Variants in PCDH15 observed in about 807,000 individuals in gnomAD.
PCDH15 encodes the protein protocadherin-15.
PCDH15 carries 129 observed loss-of-function variants against 178.5 expected under a neutral mutation model. The ratio of observed to expected loss-of-function variants is 0.72; its 90% CI spans 0.63 to 0.84. The LOEUF is 0.84. Among genes scored for constraint, PCDH15 ranks in the 40% least tolerant of loss-of-function variants. PCDH15 has a pLI of 0.00. For missense variants in PCDH15, 2,230 were observed against 2,099.9 expected (o/e 1.06, Z -1.21); for synonymous variants, 800 against 732.0 (o/e 1.09, Z -1.50).
intron 2 of PCDH15, among the ~76,000 whole-genome samples, chr10:55,471,244 T>C (rs1406245726): frequency 6.6e-6 from 1 of 152,182 alleles, no homozygotes; most frequent in Non-Finnish European, 1.5e-5. Flanking sequence ...ATATACAAAG[T>C]TTAATTTTAC....
At chr10:54,448,023 A>G (rs1001752995) in intron 3 of PCDH15, among the ~76,000 whole-genome samples, 2 of 151,664 alleles carry the variant, frequency 1.3e-5, no homozygotes, top group African/African-American at 4.8e-5. Context: ...TCTTCTTAAG[A>G]AAAGATTTTA....
intron 2 of PCDH15, among the ~76,000 whole-genome samples, chr10:55,080,065 A>T (rs1026029312): frequency 2.0e-5 from 3 of 152,094 alleles, no homozygotes; most frequent in African/African-American, 7.2e-5. Flanking sequence ...GGTTGTCTTC[A>T]GCAGTCCCAT....
At chr10:54,571,869 A>G (rs2089893256) in intron 2 of PCDH15, among the ~76,000 whole-genome samples, 1 of 152,180 alleles carries the variant, frequency 6.6e-6, no homozygotes, top group East Asian at 1.9e-4. Context: ...AAAATTGTGA[A>G]AATTTCTAGA....
chr10:54,656,429 C>A (rs773823857), intron 2 of PCDH15, among the ~76,000 whole-genome samples: 1 of 152,142 alleles, frequency 6.6e-6, no homozygotes, highest in African/African-American at 2.4e-5. Context: ...CCTCACAATC[C>A]TGGGCAATGA....
intron 14 of PCDH15, among the ~76,000 whole-genome samples, chr10:54,134,473 G>T (rs1179074573): frequency 6.6e-6 from 1 of 152,052 alleles, no homozygotes; most frequent in Non-Finnish European, 1.5e-5. Flanking sequence ...AGAAATTCAG[G>T]CTGGGCACGG....
chr10:54,376,304 T>C (rs934210970), intron 4 of PCDH15, among the ~76,000 whole-genome samples: 1 of 151,686 alleles, frequency 6.6e-6, no homozygotes, highest in African/African-American at 2.4e-5. Flanking sequence ...TAAAAGAAAC[T>C]ACAAATATTT....
intron 2 of PCDH15, among the ~76,000 whole-genome samples, chr10:55,150,030 G>C (rs573623463): frequency 6.2e-5 from 9 of 145,576 alleles, no homozygotes; most frequent in African/African-American, 2.0e-4. Context: ...GAGAGAGAGA[G>C]ATAAAGAAGA....
intron 2 of PCDH15, among the ~76,000 whole-genome samples, chr10:55,454,236 A>G (rs931224230): frequency 6.6e-6 from 1 of 152,138 alleles, no homozygotes; most frequent in African/African-American, 2.4e-5. Context: ...TTCAGAATAC[A>G]TGCAAAGTAA....
chr10:55,043,851 TG>T (rs1343207122), intron 2 of PCDH15, among the ~76,000 whole-genome samples: 2 of 152,130 alleles, frequency 1.3e-5, no homozygotes, highest in East Asian at 3.8e-4. Flanking sequence ...CCAGTTGCTC[TG>T]GCAATGTGAA....
At chr10:54,512,244 A>G (rs1478436334) in intron 3 of PCDH15, among the ~76,000 whole-genome samples, 1 of 152,232 alleles carries the variant, frequency 6.6e-6, no homozygotes, top group East Asian at 1.9e-4. Context: ...ATTTAAAAGT[A>G]CAGAGTATTC....
At chr10:54,841,410 G>T (rs935818555) in intron 3 of PCDH15, among the ~76,000 whole-genome samples, 1 of 151,708 alleles carries the variant, frequency 6.6e-6, no homozygotes, top group Non-Finnish European at 1.5e-5. Flanking sequence ...AGCAAAAGCT[G>T]TCCTAAGAAG....
chr10:54,759,470 C>A (rs774972661), intron 1 of PCDH15, among the ~76,000 whole-genome samples: 8 of 152,130 alleles, frequency 5.3e-5, no homozygotes, highest in Non-Finnish European at 1.2e-4. Flanking sequence ...CATTTCAATA[C>A]TTCCTTTTGA....
chr10:54,238,309 G>A (rs1026019279), intron 8 of PCDH15, among the ~76,000 whole-genome samples: 2 of 151,838 alleles, frequency 1.3e-5, no homozygotes, highest in African/African-American at 4.8e-5. Context: ...TATAGTGATG[G>A]CATGCTAAAA....
intron 35 of PCDH15, among the ~76,000 whole-genome samples, chr10:53,814,043 A>G (rs915821813): frequency 3.9e-5 from 6 of 152,196 alleles, no homozygotes; most frequent in African/African-American, 1.4e-4. Context: ...AAACTGAGAC[A>G]AAAAGTCTAG....
At chr10:54,791,344 G>A (rs1951390979) in intron 1 of PCDH15, among the ~76,000 whole-genome samples, 1 of 151,910 alleles carries the variant, frequency 6.6e-6, no homozygotes, top group African/African-American at 2.4e-5. Flanking sequence ...GCAGTAGAGA[G>A]AGTGGAATTG....
intron 25 of PCDH15, among the ~76,000 whole-genome samples, chr10:53,914,167 G>A (rs936207130): frequency 1.3e-5 from 2 of 152,162 alleles, no homozygotes; most frequent in Non-Finnish European, 2.9e-5. Flanking sequence ...CTGTTGGTGG[G>A]AGTTTAAACT....
intron 1 of PCDH15, among the ~76,000 whole-genome samples, chr10:55,316,352 G>A (rs907573208): frequency 6.6e-6 from 1 of 152,074 alleles, no homozygotes. Flanking sequence ...GAATTACATA[G>A]ACATGATTTT....
rs71014423 is a variant in PCDH15 at position 54,853,289 on chromosome 10, GTATA to G, written c.-29+44157_-29+44160del. 1.6e-3 allele frequency among the ~76,000 whole-genome samples: 162 copies of G among 102,542 alleles called. 1 individual carries two copies. The highest frequency in any genetic ancestry group is 4.6e-3 in the Admixed American group (43 of 9,250). The allele number at this position is 102,542 out of a possible 152,430, so 67.3% of individuals were successfully genotyped here. A position where few individuals can be genotyped will look rare whatever the true frequency, so the allele number is the denominator to read the frequency against. On this transcript the variant is annotated intron_variant, in intron 3 of 5. Transcript: ENST00000458638. ...TATATATATATGTGTATGTATGTGT[GTATA>G]TATATATATATATATATATATATAT...
At chr10:53,963,407 T>G (rs1484898330) in intron 21 of PCDH15, among the ~76,000 whole-genome samples, 1 of 152,172 alleles carries the variant, frequency 6.6e-6, no homozygotes. Flanking sequence ...GTTCCCACTC[T>G]TTCTGGCTAC....
Sources: allele counts gnomAD v4.1 joint callset (sites outside exome capture counted in the v4.1 genomes callset), GRCh38; gene constraint gnomAD v4.1.1; transcripts MANE v1.5; gene names NCBI Gene and HGNC (gene_info 2026-07-23, HGNC 2026-07-21).